The following SAXO1 variants were observed in gnomAD, a reference collection of about 807,000 sequenced individuals.
SAXO1 encodes the protein stabilizer of axonemal microtubules 1, also known as 4930500O09Rik.
In SAXO1, 21 loss-of-function variants were observed where a neutral mutation model predicts 17.5. The observed-to-expected ratio is 1.20, with a 90% CI of 0.85 to 1.72. SAXO1 has a LOEUF of 1.72. Among genes scored for constraint, SAXO1 ranks in the 40% most tolerant of loss-of-function variants. The pLI, the probability that SAXO1 is intolerant of heterozygous loss-of-function variation, is 0.00. For synonymous variants in SAXO1, 274 were observed against 216.5 expected (o/e 1.27, Z -2.33); for missense variants, 843 against 596.0 (o/e 1.41, Z -4.32).
chr9:18,993,945 T>C (rs1437516945), intron 1 of SAXO1, among the ~76,000 whole-genome samples: 1 of 152,220 alleles, frequency 6.6e-6, no homozygotes, highest in Non-Finnish European at 1.5e-5. Context: ...CTCAGGTACC[T>C]GGCTTTCAAG....
At chr9:18,953,222 T>A (rs576652387) in intron 1 of SAXO1, among the ~76,000 whole-genome samples, 22 of 152,348 alleles carry the variant, frequency 1.4e-4, no homozygotes, top group African/African-American at 5.0e-4. Flanking sequence ...CAGGCACTTA[T>A]AATAAAATGG....
At chr9:18,952,808 T>G (rs1205360287) in intron 1 of SAXO1, among the ~76,000 whole-genome samples, 1 of 152,228 alleles carries the variant, frequency 6.6e-6, no homozygotes, top group Non-Finnish European at 1.5e-5. Context: ...AGTGTGCTTT[T>G]TCTTTTTCAG....
chr9:18,942,172 C>T (rs1831589964), intron 2 of SAXO1, among the ~76,000 whole-genome samples: 1 of 152,232 alleles, frequency 6.6e-6, no homozygotes, highest in African/African-American at 2.4e-5. Flanking sequence ...GCCACCTGAG[C>T]TTCCTCCTTC....
chr9:18,955,553 T>C (rs529502282), intron 1 of SAXO1, among the ~76,000 whole-genome samples: 7 of 152,340 alleles, frequency 4.6e-5, no homozygotes, highest in African/African-American at 1.4e-4. Flanking sequence ...CACTAAAAAA[T>C]ACTTTTTGTT....
At chr9:19,025,706 C>A (rs1278886409) in intron 1 of SAXO1, among the ~76,000 whole-genome samples, 3 of 152,280 alleles carry the variant, frequency 2.0e-5, no homozygotes, top group Admixed American at 2.0e-4. Context: ...TGCACAAAAT[C>A]TTTAAAATGG....
At chr9:18,948,865 C>A (rs377764322) in intron 2 of SAXO1, among the ~76,000 whole-genome samples, 1 of 152,154 alleles carries the variant, frequency 6.6e-6, no homozygotes, top group African/African-American at 2.4e-5. Flanking sequence ...TCATTTCCTG[C>A]AAATTGGATA....
At chr9:19,028,065 C>T (rs779071942) in intron 1 of SAXO1, 4 of 1,611,786 alleles carry the variant, frequency 2.5e-6, no homozygotes, top group African/African-American at 2.7e-5. Flanking sequence ...AGCTCACCCA[C>T]GAGGACTACA....
chr9:19,005,786 T>A (rs1211349758), intron 1 of SAXO1, among the ~76,000 whole-genome samples: 1 of 152,190 alleles, frequency 6.6e-6, no homozygotes, highest in South Asian at 2.1e-4. Flanking sequence ...TCATCGAAAT[T>A]AGAAACTTCT....
chr9:18,938,761 G>C (rs1350028956), intron 3 of SAXO1, among the ~76,000 whole-genome samples: 3 of 151,452 alleles, frequency 2.0e-5, no homozygotes, highest in Non-Finnish European at 4.4e-5. Context: ...GGGGAAAATG[G>C]CAGTGAAAGA....
chr9:19,001,096 G>C (rs910559372), intron 1 of SAXO1, among the ~76,000 whole-genome samples: 6 of 152,106 alleles, frequency 3.9e-5, no homozygotes, highest in Admixed American at 6.5e-5. Flanking sequence ...AGACCTAATA[G>C]ACATCTACAG....
At chr9:18,996,148 T>A (rs1310974427) in intron 1 of SAXO1, among the ~76,000 whole-genome samples, 1 of 152,194 alleles carries the variant, frequency 6.6e-6, no homozygotes, top group African/African-American at 2.4e-5. Context: ...AGAAATCATT[T>A]AATGAATCCC....
At chr9:18,983,748 C>G (rs1216410349) in intron 1 of SAXO1, among the ~76,000 whole-genome samples, 1 of 152,180 alleles carries the variant, frequency 6.6e-6, no homozygotes, top group Non-Finnish European at 1.5e-5. Flanking sequence ...TTGAAATCAA[C>G]TGCTTCCAAA....
intron 1 of SAXO1, among the ~76,000 whole-genome samples, chr9:19,013,616 C>T (rs766586567): frequency 2.7e-5 from 4 of 147,292 alleles, no homozygotes; most frequent in African/African-American, 7.7e-5. Context: ...GTACAATCTC[C>T]GCTCACTGCA....
rs894362134 is a variant in SAXO1, at chr9:18,928,570, G to C, written c.907C>G (p.Leu303Val). The change falls in exon 4 of 4, where the codon CTT becomes GTT. Residue 303 changes from leucine (L) to valine (V), a missense_variant. Coordinates refer to ENST00000380534, the MANE Select transcript of SAXO1 (RefSeq NM_153707.4). ...TYVPPEDRMD[L>V]LTTVQAHYTC... Reference sequence around the variant, plus strand: ...TAATGGGCCTGCACTGTTGTCAGAAGATCCATCCTGTCTTCGGGAGGGACG... The same window carrying C: ...TAATGGGCCTGCACTGTTGTCAGAACATCCATCCTGTCTTCGGGAGGGACG... The C allele has an allele frequency of 1.9e-6, 3 of 1,614,190 alleles. No homozygotes were observed. Among genetic ancestry groups the C allele is most frequent in the South Asian group, 2.2e-5 (2 of 91,080 alleles).
At chr9:18,948,381 G>A (rs1441611376) in intron 2 of SAXO1, among the ~76,000 whole-genome samples, 1 of 152,178 alleles carries the variant, frequency 6.6e-6, no homozygotes, top group Non-Finnish European at 1.5e-5. Context: ...TTTCCTCCCT[G>A]TGGACAACCT....
intron 1 of SAXO1, among the ~76,000 whole-genome samples, chr9:18,998,618 C>A (rs1368155745): frequency 6.6e-6 from 1 of 152,118 alleles, no homozygotes; most frequent in Non-Finnish European, 1.5e-5. Context: ...CACAGAACAC[C>A]ACAAAGATAC....
At chr9:19,017,505 G>C (rs1835030589) in intron 1 of SAXO1, among the ~76,000 whole-genome samples, 1 of 152,250 alleles carries the variant, frequency 6.6e-6, no homozygotes. Flanking sequence ...ACAGCATGCT[G>C]CACCAGAGCA....
chr9:18,935,152 G>T (rs942484512), intron 3 of SAXO1, among the ~76,000 whole-genome samples: 1 of 152,018 alleles, frequency 6.6e-6, no homozygotes, highest in East Asian at 1.9e-4. Flanking sequence ...CTGACCCCAT[G>T]ATCTGCGCAC....
chr9:18,939,638 G>A (rs185399241), intron 3 of SAXO1, among the ~76,000 whole-genome samples: 109 of 152,286 alleles, frequency 7.2e-4, no homozygotes, highest in Non-Finnish European at 1.3e-3. Flanking sequence ...AGAAATGTAG[G>A]AAGGGACCTG....
Sources: allele counts gnomAD v4.1 joint callset (sites outside exome capture counted in the v4.1 genomes callset), GRCh38; gene constraint gnomAD v4.1.1; transcripts MANE v1.5; gene names NCBI Gene and HGNC (gene_info 2026-07-23, HGNC 2026-07-21).